The following ENOX1 variants were observed in gnomAD, a reference collection of about 807,000 sequenced individuals.
ENOX1 encodes the protein ecto-NOX disulfide-thiol exchanger 1, also known as candidate growth-related and time keeping constitutive hydroquinone (NADH) oxidase.
A neutral mutation model predicts 82.5 loss-of-function variants in ENOX1; 42 were observed. The ratio of observed to expected loss-of-function variants is 0.51; its 90% CI spans 0.40 to 0.66. ENOX1 has a LOEUF of 0.66. ENOX1 is among the 30% of genes least tolerant of loss of function. The pLI, the probability that ENOX1 is intolerant of heterozygous loss-of-function variation, is 0.00. For missense variants in ENOX1, 608 were observed against 811.6 expected, an observed-to-expected ratio of 0.75 and a Z score of 3.05; for synonymous variants, 271 against 282.2, an observed-to-expected ratio of 0.96 and a Z score of 0.40.
rs9562487 is a variant in ENOX1, at chr13:43,440,654, G to C, written c.-74-27666C>G. Among the ~76,000 whole-genome samples the C allele has an allele frequency of 2.0e-3, 311 of 152,136 alleles. 10 individuals carry two copies. The East Asian group carries it at 0.052, about 25-fold the overall frequency. On this transcript the variant is annotated intron_variant, in intron 3 of 16. Transcript: ENST00000690772. ...TTACCAATCAGAAAACTAAAAATAA[G>C]AGCAACCTTAGATGAATGCCTAAAA...
intron 2 of ENOX1, among the ~76,000 whole-genome samples, chr13:43,631,323 CTT>C (rs2083206489): frequency 6.6e-6 from 1 of 152,198 alleles, no homozygotes; most frequent in Non-Finnish European, 1.5e-5. Context: ...CAAATTCACT[CTT>C]GGCCTCAGCA....
chr13:43,443,397 A>T (rs1024240956), intron 3 of ENOX1, among the ~76,000 whole-genome samples: 1 of 152,192 alleles, frequency 6.6e-6, no homozygotes, highest in African/African-American at 2.4e-5. Flanking sequence ...TATGACTTTT[A>T]AATTACGCTT....
At chr13:43,737,514 T>C (rs1389876846) in intron 1 of ENOX1, among the ~76,000 whole-genome samples, 2 of 152,162 alleles carry the variant, frequency 1.3e-5, no homozygotes, top group Non-Finnish European at 2.9e-5. Context: ...GGTTCAGACC[T>C]TCAGTGAACT....
At chr13:43,509,589 T>A (rs906282403) in intron 2 of ENOX1, among the ~76,000 whole-genome samples, 7 of 152,234 alleles carry the variant, frequency 4.6e-5, no homozygotes, top group Admixed American at 2.0e-4. Context: ...GTGTGTTAAC[T>A]ACTCTGCAAT....
At chr13:43,712,944 A>G (rs1433981354) in intron 1 of ENOX1, among the ~76,000 whole-genome samples, 1 of 152,002 alleles carries the variant, frequency 6.6e-6, no homozygotes, top group Non-Finnish European at 1.5e-5. Flanking sequence ...AACTTCCAAC[A>G]CTATGTTGAA....
At chr13:43,649,311 A>G (rs964375888) in intron 2 of ENOX1, among the ~76,000 whole-genome samples, 1 of 152,204 alleles carries the variant, frequency 6.6e-6, no homozygotes, top group African/African-American at 2.4e-5. Flanking sequence ...CAGAGTTCCC[A>G]GACACACGCA....
chr13:43,386,965 A>G (rs2052451636), intron 5 of ENOX1, among the ~76,000 whole-genome samples: 1 of 152,262 alleles, frequency 6.6e-6, no homozygotes, highest in Non-Finnish European at 1.5e-5. Context: ...AAACAACTCC[A>G]ATGAATTTAG....
At chr13:43,501,680 G>A (rs1193702190) in intron 2 of ENOX1, among the ~76,000 whole-genome samples, 1 of 147,482 alleles carries the variant, frequency 6.8e-6, no homozygotes, top group Non-Finnish European at 1.5e-5. Context: ...AAATGAAAAG[G>A]AAATTTAAAA....
rs1287009039 is a variant in ENOX1, at chr13:43,326,455, C to T, written c.1107G>A (p.Gln369=). 2 of 1,614,054 alleles carry T rather than the reference C, an allele frequency of 1.2e-6. No individual in the cohort carries two copies. Among genetic ancestry groups the T allele is most frequent in the Admixed American group, 1.7e-5 (1 of 60,008 alleles). The change falls in exon 10 of 17, where the codon CAG becomes CAA. Residue 369 remains glutamine (Q), a synonymous_variant. Transcript: ENST00000690772. The part of the protein sequence containing the change: ...QKAWDHFSKA[Q]RKNIDIWRKH... ...TTCGCCAAATGTCTATGTTCTTGCGCTGGGCTTTCGAGAAATGGTCCCAAG... is the reference window on the plus strand; with the variant it reads ...TTCGCCAAATGTCTATGTTCTTGCGTTGGGCTTTCGAGAAATGGTCCCAAG...
intron 2 of ENOX1, among the ~76,000 whole-genome samples, chr13:43,579,430 TGAAGCTGA>T (rs1435730834): frequency 1.3e-5 from 2 of 152,226 alleles, no homozygotes; most frequent in African/African-American, 4.8e-5. Context: ...CATTGTGAAC[TGAAGCTGA>T]GAAGTACACA....
intron 2 of ENOX1, among the ~76,000 whole-genome samples, chr13:43,576,633 AT>A (rs1362299185): frequency 1.3e-5 from 2 of 152,222 alleles, no homozygotes; most frequent in Non-Finnish European, 2.9e-5. Flanking sequence ...CATGAGACCA[AT>A]TTTAGTCTTC....
At chr13:43,287,064 C>T (rs933436876) in intron 12 of ENOX1, among the ~76,000 whole-genome samples, 2 of 152,178 alleles carry the variant, frequency 1.3e-5, no homozygotes, top group African/African-American at 4.8e-5. Flanking sequence ...GCAGTTCTGA[C>T]TCTACATGGT....
At chr13:43,703,286 C>T (rs1335941845) in intron 1 of ENOX1, among the ~76,000 whole-genome samples, 2 of 152,136 alleles carry the variant, frequency 1.3e-5, no homozygotes, top group Non-Finnish European at 2.9e-5. Flanking sequence ...GCAGTGTGTA[C>T]ATTCTGTCCT....
At chr13:43,413,269 C>A (rs2054245565) in intron 3 of ENOX1, among the ~76,000 whole-genome samples, 1 of 152,304 alleles carries the variant, frequency 6.6e-6, no homozygotes, top group Admixed American at 6.5e-5. Flanking sequence ...TTGCTTCCTA[C>A]TGAAGCACCT....
chr13:43,527,203 C>T (rs184980610), intron 2 of ENOX1, among the ~76,000 whole-genome samples: 11 of 152,222 alleles, frequency 7.2e-5, no homozygotes, highest in African/African-American at 2.4e-4. Flanking sequence ...CGAAGATCCA[C>T]GCATAAGGGT....
chr13:43,268,711 G>C (rs1164970976), intron 13 of ENOX1, among the ~76,000 whole-genome samples: 1 of 152,114 alleles, frequency 6.6e-6, no homozygotes, highest in Non-Finnish European at 1.5e-5. Context: ...AAAACAATCT[G>C]CATTTGATTA....
At chr13:43,305,695 T>C (rs1280618624) in intron 11 of ENOX1, among the ~76,000 whole-genome samples, 2 of 152,154 alleles carry the variant, frequency 1.3e-5, no homozygotes, top group Non-Finnish European at 2.9e-5. Context: ...CACTTTTCCA[T>C]TTACATTACT....
At chr13:43,655,688 C>T (rs2084397737) in intron 2 of ENOX1, among the ~76,000 whole-genome samples, 2 of 152,196 alleles carry the variant, frequency 1.3e-5, no homozygotes, top group South Asian at 2.1e-4. Context: ...TGATTCTCCT[C>T]TTCCTGGCTG....
intron 14 of ENOX1, among the ~76,000 whole-genome samples, chr13:43,252,625 C>T (rs979443288): frequency 6.6e-6 from 1 of 152,186 alleles, no homozygotes; most frequent in African/African-American, 2.4e-5. Context: ...ATTAGGAACA[C>T]GTGGAGGAGA....
Sources: allele counts gnomAD v4.1 joint callset (sites outside exome capture counted in the v4.1 genomes callset), GRCh38; gene constraint gnomAD v4.1.1; transcripts MANE v1.5; gene names NCBI Gene and HGNC (gene_info 2026-07-23, HGNC 2026-07-21).